CPPED1: variants seen among roughly 807,000 people sequenced by gnomAD.
The protein encoded by CPPED1 is serine/threonine-protein phosphatase CPPED1.
A neutral mutation model predicts 28.0 loss-of-function variants in CPPED1; 28 were observed. The observed-to-expected ratio is 1.00, with a 90% confidence interval of 0.74 to 1.37. CPPED1 has a LOEUF of 1.37. Among genes scored for constraint, CPPED1 ranks in the 40% most tolerant of loss-of-function variants. The pLI, the probability that CPPED1 is intolerant of heterozygous loss-of-function variation, is 0.00. For missense variants in CPPED1, 504 were observed against 416.5 expected, an observed-to-expected ratio of 1.21 and a Z score of -1.83; for synonymous variants, 198 against 180.2, an observed-to-expected ratio of 1.10 and a Z score of -0.79.
intron 3 of CPPED1, among the ~76,000 whole-genome samples, chr16:12,694,273 A>C (rs1489397183): frequency 2.0e-5 from 3 of 152,092 alleles, no homozygotes; most frequent in African/African-American, 7.2e-5. Flanking sequence ...TCAGAGAAGA[A>C]ACTTCTCTGT....
Position 12,803,841 on chromosome 16 carries a change from GAAC to G in CPPED1, c.-68_-66del. 6.8e-7 allele frequency: 1 copy of G among 1,467,190 alleles called. No homozygotes were observed. Among genetic ancestry groups the G allele is most frequent in the Non-Finnish European group, 9.2e-7 (1 of 1,082,478 alleles). 90.9% of individuals were successfully genotyped at this position (1,467,190 alleles called of 1,614,324 possible). A position where few individuals can be genotyped will look rare whatever the true frequency, so the allele number is the denominator to read the frequency against. On this transcript the variant is annotated 5_prime_UTR_variant, in exon 1 of 4. Coordinates refer to ENST00000381774, the MANE Select transcript of CPPED1 (RefSeq NM_018340.3). Reference sequence around the variant, plus strand: ...GGTGGAAGCCGCGCGACTTCACACAGAACAACCGCTGGACCTGTCCCGCTTTGG... The same window carrying G: ...GGTGGAAGCCGCGCGACTTCACACAGAACCGCTGGACCTGTCCCGCTTTGG...
chr16:12,722,428 G>A (rs1596460153), intron 2 of CPPED1, among the ~76,000 whole-genome samples: 1 of 152,236 alleles, frequency 6.6e-6, no homozygotes, highest in Non-Finnish European at 1.5e-5. Flanking sequence ...TGGAAAGACT[G>A]CTGCCATACT....
chr16:12,788,658 GCT>G (rs1181636733), intron 1 of CPPED1, among the ~76,000 whole-genome samples: 3 of 152,208 alleles, frequency 2.0e-5, no homozygotes, highest in Non-Finnish European at 4.4e-5. Context: ...CTACCCAAGA[GCT>G]ATTCAGAACC....
chr16:12,669,412 T>G lies in CPPED1; in HGVS notation c.716-4297A>C, dbSNP rs564969832. ...GTCTGCAATTAGATCACGGTGATACTTGCACAACCTTGTGAATATATTAAA... is the reference window on the plus strand; with the variant it reads ...GTCTGCAATTAGATCACGGTGATACGTGCACAACCTTGTGAATATATTAAA... On this transcript the variant is annotated intron_variant, in intron 3 of 3. Coordinates refer to ENST00000381774, the MANE Select transcript of CPPED1 (RefSeq NM_018340.3). Among the ~76,000 whole-genome samples the G allele has an allele frequency of 2.0e-5, 3 of 152,300 alleles. No individual in the cohort carries two copies. The South Asian group carries it at 6.2e-4, about 32-fold the overall frequency.
chr16:12,733,709 C>T (rs2080211380), intron 2 of CPPED1, among the ~76,000 whole-genome samples: 1 of 152,130 alleles, frequency 6.6e-6, no homozygotes, highest in Non-Finnish European at 1.5e-5. Flanking sequence ...GATCTAGAAA[C>T]ATCAACACAA....
chr16:12,788,537 C>A (rs942701599), intron 1 of CPPED1, among the ~76,000 whole-genome samples: 1 of 152,006 alleles, frequency 6.6e-6, no homozygotes. Context: ...CTGTAACCAG[C>A]CTTTCATTAA....
At chr16:12,696,498 T>C (rs2079991420) in intron 3 of CPPED1, among the ~76,000 whole-genome samples, 1 of 148,794 alleles carries the variant, frequency 6.7e-6, no homozygotes, top group African/African-American at 2.5e-5. Flanking sequence ...TGGAATGCAG[T>C]GGCGTGATCT....
At position 12,661,968 on chromosome 16, in the gene CPPED1, C is replaced by G. The variant is rs1474396619; in HGVS notation, c.*2918G>C. 6.6e-6 allele frequency: 1 copy of G among 152,226 alleles called. No homozygotes were observed. Among genetic ancestry groups the G allele is most frequent in the Non-Finnish European group, 1.5e-5 (1 of 68,074 alleles). 9.4% of individuals were successfully genotyped at this position (152,226 alleles called of 1,614,324 possible). A position where few individuals can be genotyped will look rare whatever the true frequency, so the allele number is the denominator to read the frequency against. ...CTGGCTGAGCTGGTGCAACCTTTCA[C>G]CTCTGAGAAACGTTTTCCAAGACAG... On this transcript the variant is annotated 3_prime_UTR_variant, in exon 4 of 4. Coordinates refer to ENST00000381774, the MANE Select transcript of CPPED1 (RefSeq NM_018340.3).
chr16:12,733,417 G>A (rs1425244727), intron 2 of CPPED1, among the ~76,000 whole-genome samples: 1 of 151,902 alleles, frequency 6.6e-6, no homozygotes, highest in African/African-American at 2.4e-5. Context: ...TAGGATTACA[G>A]GCGCCCGCCA....
intron 2 of CPPED1, among the ~76,000 whole-genome samples, chr16:12,756,490 G>A (rs922913786): frequency 3.3e-5 from 5 of 152,084 alleles, no homozygotes; most frequent in African/African-American, 9.7e-5. Flanking sequence ...AGGTCAGTTC[G>A]AGACCAGCTG....
At chr16:12,769,423 C>T (rs1228805272) in intron 2 of CPPED1, among the ~76,000 whole-genome samples, 1 of 152,084 alleles carries the variant, frequency 6.6e-6, no homozygotes, top group Non-Finnish European at 1.5e-5. Context: ...GGTTAAGACG[C>T]CGAGACTTGG....
rs2079798409 is a variant in CPPED1, at chr16:12,662,136, C to T, written c.*2750G>A. Reference sequence around the variant, plus strand: ...AAAACACATAATAAACATTCAAAACCATAGCACTTAGAATCAGGAAGTCCT... The same window carrying T: ...AAAACACATAATAAACATTCAAAACTATAGCACTTAGAATCAGGAAGTCCT... On this transcript the variant is annotated 3_prime_UTR_variant, in exon 4 of 4. Transcript: ENST00000381774. The T allele has an allele frequency of 6.6e-6, 1 of 152,172 alleles. No individual in the cohort carries two copies. Among genetic ancestry groups the T allele is most frequent in the South Asian group, 2.1e-4 (1 of 4,828 alleles). 9.4% of individuals were successfully genotyped at this position (152,172 alleles called of 1,614,324 possible).
At chr16:12,672,962 T>A (rs1310824995) in intron 3 of CPPED1, among the ~76,000 whole-genome samples, 1 of 151,710 alleles carries the variant, frequency 6.6e-6, no homozygotes, top group East Asian at 1.9e-4. Flanking sequence ...TGCAGTGAGC[T>A]GAGATTGTGC....
chr16:12,790,529 G>T (rs568777553), intron 1 of CPPED1, among the ~76,000 whole-genome samples: 69 of 152,304 alleles, frequency 4.5e-4, no homozygotes, highest in African/African-American at 1.5e-3. Flanking sequence ...AATAATTTCT[G>T]CTCTCATGAT....
At position 12,661,010 on chromosome 16, in the gene CPPED1, G is replaced by T. The variant is rs1184264693; in HGVS notation, c.*3876C>A. On this transcript the variant is annotated 3_prime_UTR_variant, in exon 4 of 4. Transcript: ENST00000381774. ...GAGCCTATAGTCCCAGCTAATTTGGGAGGCTGAGGTGGGAAGGTTGGTTGA... is the reference window on the plus strand; with the variant it reads ...GAGCCTATAGTCCCAGCTAATTTGGTAGGCTGAGGTGGGAAGGTTGGTTGA... 1 of 152,208 alleles carries T rather than the reference G, an allele frequency of 6.6e-6. No individual in the cohort carries two copies. Among genetic ancestry groups the T allele is most frequent in the African/African-American group, 2.4e-5 (1 of 41,434 alleles). 9.4% of individuals were successfully genotyped at this position (152,208 alleles called of 1,614,324 possible).
chr16:12,725,280 G>C (rs1428617546), intron 2 of CPPED1, among the ~76,000 whole-genome samples: 1 of 152,100 alleles, frequency 6.6e-6, no homozygotes, highest in Admixed American at 6.6e-5. Context: ...TTTTAGTAGA[G>C]ATGGGGGTTT....
chr16:12,732,081 T>G (rs572534994), intron 2 of CPPED1, among the ~76,000 whole-genome samples: 1 of 151,126 alleles, frequency 6.6e-6, no homozygotes, highest in Admixed American at 6.6e-5. Context: ...TAGAATCGCC[T>G]GGGGGGCAGA....
intron 3 of CPPED1, among the ~76,000 whole-genome samples, chr16:12,694,997 T>C (rs959946226): frequency 2.6e-5 from 4 of 152,016 alleles, no homozygotes; most frequent in Non-Finnish European, 5.9e-5. Context: ...AGGCTGGTCT[T>C]GAACTCCTGA....
intron 2 of CPPED1, among the ~76,000 whole-genome samples, chr16:12,741,447 G>C (rs569367803): frequency 6.6e-6 from 1 of 152,270 alleles, no homozygotes; most frequent in East Asian, 1.9e-4. Context: ...ATTTAAGGCA[G>C]GAAGCTCAAC....
Sources: gnomAD v4.1 joint callset for allele counts (sites outside exome capture counted in the v4.1 genomes callset) on GRCh38, gnomAD v4.1.1 for gene constraint, MANE v1.5 for transcripts, NCBI Gene and HGNC (gene_info 2026-07-23, HGNC 2026-07-21) for gene names.